Variants in APOE observed in about 807,000 individuals in gnomAD.
The protein encoded by APOE is apolipoprotein E.
APOE carries 10 observed loss-of-function variants against 13.1 expected under a neutral mutation model. The ratio of observed to expected loss-of-function variants is 0.76; its 90% CI spans 0.47 to 1.29. The LOEUF (loss-of-function observed/expected upper bound fraction) is 1.29. Ranked by LOEUF, APOE falls within the 50% of genes most tolerant of loss-of-function variation. APOE has a pLI of 0.00. For synonymous variants in APOE, 211 were observed against 207.1 expected (o/e 1.02, Z -0.16); for missense variants, 471 against 459.6 (o/e 1.02, Z -0.23).
At chr19:44,906,141 T>G (rs1969802485) in intron 1 of APOE, among the ~76,000 whole-genome samples, 1 of 152,104 alleles carries the variant, frequency 6.6e-6, no homozygotes, top group Admixed American at 6.6e-5. Flanking sequence ...GTGTCCCCAG[T>G]GTCCTCAGAT....
intron 2 of APOE, 135 bp downstream of exon 2, chr19:44,906,802 G>A (rs1370426995): frequency 2.5e-6 from 2 of 814,770 alleles, no homozygotes; most frequent in South Asian, 1.4e-5. Flanking sequence ...TCTGAACAGC[G>A]ATTTGACGCT....
intron 3 of APOE, among the ~76,000 whole-genome samples, chr19:44,908,205 T>TTA (rs1213352463): frequency 1.3e-5 from 2 of 152,120 alleles, no homozygotes; most frequent in East Asian, 3.9e-4. Flanking sequence ...CCTAGCTCTT[T>TTA]TATATAGAGA....
At chr19:44,908,389 T>A (rs1223072540) in intron 3 of APOE, 144 bp from the exon 4 acceptor site, 1 of 831,576 alleles carries the variant, frequency 1.2e-6, no homozygotes, top group Non-Finnish European at 2.0e-6. Flanking sequence ...TCTCTGCATC[T>A]GTCTCTGTCT....
chr19:44,908,690 C>T lies in APOE; in HGVS notation c.394C>T (p.Arg132Cys), dbSNP rs11542041. 7 of 1,566,230 alleles carry T rather than the reference C, an allele frequency of 4.5e-6. No individual in the cohort carries two copies. Among genetic ancestry groups the T allele is most frequent in the African/African-American group, 4.1e-5 (3 of 73,740 alleles). ...CGCGGACATGGAGGACGTGTGCGGC[C>T]GCCTGGTGCAGTACCGCGGCGAGGT... is the stretch of plus-strand genomic sequence containing the variant. ...LGADMEDVCGRLVQYRGEVQA... is the reference protein window; with the variant it reads ...LGADMEDVCGCLVQYRGEVQA... The change falls in exon 4 of 4, where the codon CGC becomes TGC. Residue 132 changes from arginine to cysteine, a missense_variant. By Grantham distance (180) the Arg-to-Cys change is radical. Transcript: ENST00000252486.
intron 1 of APOE, 63 bp from the exon 2 acceptor site, chr19:44,906,539 G>A: frequency 6.3e-7 from 1 of 1,587,292 alleles, no homozygotes; most frequent in Non-Finnish European, 8.7e-7. Flanking sequence ...GGCCGGGTTG[G>A]GGCCGGGCTG....
intron 3 of APOE, 126 bp from the exon 4 acceptor site, chr19:44,908,407 T>G: frequency 2.1e-6 from 2 of 937,938 alleles, no homozygotes; most frequent in Non-Finnish European, 3.4e-6. Flanking sequence ...TCTCCTTCTC[T>G]CGGCCTCTGC....
At chr19:44,906,001 C>T (rs944576113) in intron 1 of APOE, 160 bp downstream of exon 1, 3 of 1,137,188 alleles carry the variant, frequency 2.6e-6, no homozygotes, top group African/African-American at 3.3e-5. Flanking sequence ...GGGGACTGGA[C>T]CTGGGAAGGG....
At chr19:44,905,974 G>A (rs1314016137) in intron 1 of APOE, 133 bp downstream of exon 1, 1 of 1,257,378 alleles carries the variant, frequency 8.0e-7, no homozygotes. Context: ...GGAGGAGCGG[G>A]GGTGAGGCAA....
intron 1 of APOE, chr19:44,906,050 G>GT: frequency 3.5e-6 from 2 of 566,472 alleles, no homozygotes; most frequent in Non-Finnish European, 5.4e-6. Flanking sequence ...AGAAGGTGGG[G>GT]TGGGGAGAGC....
chr19:44,909,127 C>G lies in APOE; in HGVS notation c.831C>G (p.Ala277=), dbSNP rs1021792336. 4 of 1,599,344 alleles carry G rather than the reference C, an allele frequency of 2.5e-6. No homozygotes were observed. In the East Asian group the frequency reaches 6.7e-5, roughly 27 times the overall value. ...GCCTGCAGGCCGAGGCCTTCCAGGCCCGCCTCAAGAGCTGGTTCGAGCCCC... is the reference window on the plus strand; with the variant it reads ...GCCTGCAGGCCGAGGCCTTCCAGGCGCGCCTCAAGAGCTGGTTCGAGCCCC... ...QIRLQAEAFQ[A]RLKSWFEPLV... The change falls in exon 4 of 4, where the codon GCC becomes GCG. Residue 277 remains alanine (A), a synonymous_variant. Transcript: ENST00000252486.
chr19:44,906,573 C>T, intron 1 of APOE, 29 bp from the exon 2 acceptor site: 3 of 1,613,670 alleles, frequency 1.9e-6, no homozygotes, highest in Non-Finnish European at 2.5e-6. Context: ...TCCTCACTGG[C>T]GGTTGATTGA....
rs1267815733 is a variant in APOE, at chr19:44,906,676, G to A, written c.43+9G>A. ...GGTCACATTCCTGGCAGGTATGGGG[G>A]CGGGGCTTGCTCGGTTCCCCCCGCT... On this transcript the variant is annotated intron_variant, in intron 2 of 3. Coordinates refer to ENST00000252486, the MANE Select transcript of APOE (RefSeq NM_000041.4). 1.9e-6 allele frequency: 3 copies of A among 1,613,832 alleles called. No individual in the cohort carries two copies. The highest frequency in any genetic ancestry group is 3.3e-5 in the Admixed American group (2 of 59,998).
In APOE at chr19:44,908,666, G is replaced by A; in HGVS notation, c.370G>A (p.Ala124Thr). 3 of 1,582,002 alleles carry A rather than the reference G, an allele frequency of 1.9e-6. No homozygotes were observed. The highest frequency in any genetic ancestry group is 1.7e-6 in the Non-Finnish European group (2 of 1,164,554). Residue 124 changes from alanine to threonine, a missense_variant, in exon 4 of 4, where the codon GCG (alanine) becomes ACG (threonine). Physicochemically the swap from Ala to Thr is moderately conservative, Grantham distance 58. Transcript: ENST00000252486. ...ELQAAQARLGADMEDVCGRLV... is the reference protein window; with the variant it reads ...ELQAAQARLGTDMEDVCGRLV... ...GCAGGCGGCGCAGGCCCGGCTGGGCGCGGACATGGAGGACGTGTGCGGCCG... is the reference window on the plus strand; with the variant it reads ...GCAGGCGGCGCAGGCCCGGCTGGGCACGGACATGGAGGACGTGTGCGGCCG...
Position 44,907,697 on chromosome 19 carries a change from A to G in APOE, c.44-63A>G. On this transcript the variant is annotated intron_variant, in intron 2 of 3. Transcript: ENST00000252486. The surrounding 1 kb of genome is among the most constrained non-coding windows in gnomAD (Gnocchi z 4.1). ...TGTGGAGCACCTTCTGTGTGCCCCT[A>G]GGTACTAGATGCCTGGACGGGGTCA... 6.9e-7 allele frequency: 1 copy of G among 1,450,412 alleles called. No individual in the cohort carries two copies. The highest frequency in any genetic ancestry group is 1.9e-5 in the Admixed American group (1 of 51,644). The allele number at this position is 1,450,412 out of a possible 1,614,324, so 89.8% of individuals were successfully genotyped here. A position where few individuals can be genotyped will look rare whatever the true frequency, so the allele number is the denominator to read the frequency against.
Position 44,907,983 on chromosome 19 carries a change from C to T in APOE, c.236+31C>T. 1 of 1,605,774 alleles carries T rather than the reference C, an allele frequency of 6.2e-7. No homozygotes were observed. Among genetic ancestry groups the T allele is most frequent in the Non-Finnish European group, 8.5e-7 (1 of 1,176,398 alleles). ...TGTCCCCATCCTGGCCCTTGACCCT[C>T]CTGGTGGGCGGCTATACCTCCCCAG... On this transcript the variant is annotated intron_variant, in intron 3 of 3. Coordinates refer to ENST00000252486, the MANE Select transcript of APOE (RefSeq NM_000041.4). This position sits in a 1 kb window ranked among gnomAD's most constrained non-coding sequence, Gnocchi z 4.1.
At chr19:44,906,250 G>A (rs1272123656) in intron 1 of APOE, 1 of 401,042 alleles carries the variant, frequency 2.5e-6, no homozygotes, top group African/African-American at 2.1e-5. Flanking sequence ...GGAACACGGC[G>A]CTTAACTGTG....
At position 44,909,205 on chromosome 19, in the gene APOE, T is replaced by A. The variant is rs747272511; in HGVS notation, c.909T>A (p.Ala303=). The change falls in exon 4 of 4, where the codon GCT becomes GCA. Residue 303 remains alanine (A), a synonymous_variant. Transcript: ENST00000252486. ...CCGGGCTGGTGGAGAAGGTGCAGGC[T>A]GCCGTGGGCACCAGCGCCGCCCCTG... ...QWAGLVEKVQ[A]AVGTSAAPVP... is the part of the protein sequence containing the mutation. The A allele has an allele frequency of 1.3e-6, 2 of 1,597,182 alleles. No individual in the cohort carries two copies. Among genetic ancestry groups the A allele is most frequent in the South Asian group, 2.2e-5 (2 of 90,784 alleles).
chr19:44,906,874 TTTG>T (rs374670655), intron 2 of APOE: 78 of 601,524 alleles, frequency 1.3e-4, no homozygotes, highest in Middle Eastern at 4.4e-4. Flanking sequence ...GTTGTTGTTG[TTTG>T]TTGTTGTTGT....
Position 44,908,702 on chromosome 19 carries a change from T to C in APOE, c.406T>C (p.Tyr136His), listed in dbSNP as rs1969862344. 6.4e-7 allele frequency: 1 copy of C among 1,561,096 alleles called. No individual in the cohort carries two copies. Among genetic ancestry groups the C allele is most frequent in the Non-Finnish European group, 8.7e-7 (1 of 1,153,232 alleles). ...MEDVCGRLVQYRGEVQAMLGQ... is the reference protein window; with the variant it reads ...MEDVCGRLVQHRGEVQAMLGQ... ...GGACGTGTGCGGCCGCCTGGTGCAG[T>C]ACCGCGGCGAGGTGCAGGCCATGCT... Residue 136 changes from tyrosine to histidine, a missense_variant, in exon 4 of 4, where the codon TAC becomes CAC. Coordinates refer to ENST00000252486, the MANE Select transcript of APOE (RefSeq NM_000041.4).
Sources: gnomAD v4.1 joint callset for allele counts (sites outside exome capture counted in the v4.1 genomes callset) on GRCh38, gnomAD v4.1.1 for gene constraint, Gnocchi (gnomAD v3.1) non-coding constraint, MANE v1.5 for transcripts, NCBI Gene and HGNC (gene_info 2026-07-23, HGNC 2026-07-21) for gene names.